APOBEC3H: variants seen among roughly 807,000 people sequenced by gnomAD.
The protein encoded by APOBEC3H is DNA dC->dU-editing enzyme APOBEC-3H.
A neutral mutation model predicts 21.2 loss-of-function variants in APOBEC3H; 8 were observed. The ratio of observed to expected loss-of-function variants is 0.38; its 90% CI spans 0.22 to 0.68. APOBEC3H has a LOEUF of 0.68. Ranked by LOEUF, APOBEC3H falls within the 30% of genes least tolerant of loss-of-function variation. The pLI is 0.52. For synonymous variants in APOBEC3H, 88 were observed against 91.0 expected, an observed-to-expected ratio of 0.97 and a Z score of 0.19; for missense variants, 229 against 228.1, an observed-to-expected ratio of 1.00 and a Z score of -0.03.
intron 1 of APOBEC3H, among the ~76,000 whole-genome samples, 167 bp from the exon 2 acceptor site, chr22:39,100,105 G>A (rs184469838): frequency 1.3e-5 from 2 of 152,294 alleles, no homozygotes; most frequent in Admixed American, 6.5e-5. Context: ...CTTGGAAGGC[G>A]GAGGTTGCAG....
intron 1 of APOBEC3H, 34 bp from the exon 2 acceptor site, chr22:39,100,238 C>T: frequency 6.3e-7 from 1 of 1,598,980 alleles, no homozygotes. Flanking sequence ...AGGACGCTCC[C>T]TTCATCTTTG....
chr22:39,100,603 C>A, intron 2 of APOBEC3H, 175 bp downstream of exon 2: 1 of 844,634 alleles, frequency 1.2e-6, no homozygotes, highest in Non-Finnish European at 1.8e-6. Context: ...CTGAGTGGCC[C>A]AGTTTCCCTA....
Position 39,101,310 on chromosome 22 carries a change from A to G in APOBEC3H, c.224A>G (p.Gln75Arg), listed in dbSNP as rs1379900429. ...GGACTGGACGAAACGCAGTGCTACC[A>G]AGTCACCTGTTACCTCACGTGGAGC... is the stretch of plus-strand genomic sequence containing the variant. ...SMGLDETQCY[Q>R]VTCYLTWSPC... is the part of the protein sequence containing the mutation. Residue 75 changes from glutamine to arginine, a missense_variant, in exon 3 of 5, where the codon CAA becomes CGA. By Grantham distance (43) the Gln-to-Arg change is conservative (BLOSUM62 1). Coordinates refer to ENST00000442487, the MANE Select transcript of APOBEC3H (RefSeq NM_181773.5). The G allele has an allele frequency of 2.5e-6, 4 of 1,613,020 alleles. No homozygotes were observed. The highest frequency in any genetic ancestry group is 3.4e-6 in the Non-Finnish European group (4 of 1,179,824).
rs77603434 is a variant in APOBEC3H at position 39,097,549 on chromosome 22, C to T, written c.-8+206C>T. ...GCTGCTTCTGAACGGGCCGCCTCCC[C>T]GGCCTGCACCAGCCCAAGACCCCTG... is the stretch of plus-strand genomic sequence containing the variant. On this transcript the variant is annotated intron_variant, in intron 1 of 4. Transcript: ENST00000442487. 3.6e-3 allele frequency among the ~76,000 whole-genome samples: 550 copies of T among 152,314 alleles called. 4 individuals carry two copies. The highest frequency in any genetic ancestry group is 0.013 in the African/African-American group (524 of 41,556).
In APOBEC3H at chr22:39,101,413, C is replaced by T; in HGVS notation, c.327C>T (p.Ser109=). Residue 109 remains serine (S), a synonymous_variant, in exon 3 of 5, where the codon TCC becomes TCT. Coordinates refer to ENST00000442487, the MANE Select transcript of APOBEC3H (RefSeq NM_181773.5). ...ATCTGAACCTGGGCATCTTCGCCTC[C>T]CGCCTGTACTACCACTGGTGCAAGC... ...HDHLNLGIFA[S]RLYYHWCKPQ... is the part of the protein sequence containing the mutation. 1 of 1,612,234 alleles carries T rather than the reference C, an allele frequency of 6.2e-7. No individual in the cohort carries two copies. The highest frequency in any genetic ancestry group is 8.5e-7 in the Non-Finnish European group (1 of 1,179,630).
intron 1 of APOBEC3H, among the ~76,000 whole-genome samples, chr22:39,099,126 A>G (rs971661286): frequency 3.9e-5 from 6 of 152,022 alleles, no homozygotes; most frequent in African/African-American, 1.2e-4. Context: ...ACCCGGGAGA[A>G]TCACTTGAAC....
At chr22:39,099,887 G>GT (rs1019996827) in intron 1 of APOBEC3H, among the ~76,000 whole-genome samples, 4 of 152,184 alleles carry the variant, frequency 2.6e-5, no homozygotes, top group Non-Finnish European at 4.4e-5. Context: ...AAAGGGTTGG[G>GT]TTTGGCTGGG....
chr22:39,101,364 T>A lies in APOBEC3H; in HGVS notation c.278T>A (p.Val93Asp). 6.2e-7 allele frequency: 1 copy of A among 1,612,746 alleles called. No homozygotes were observed. The highest frequency in any genetic ancestry group is 1.1e-5 in the South Asian group (1 of 90,978). The change falls in exon 3 of 5, where the codon GTT becomes GAT. Residue 93 changes from valine (V) to aspartate (D), a missense_variant. Transcript: ENST00000442487. Reference protein sequence around the residue: ...SPCSSCAWELVDFIKAHDHLN... With the variant: ...SPCSSCAWELDDFIKAHDHLN... ...TGCTCCTCCTGTGCCTGGGAGCTGG[T>A]TGACTTCATCAAGGCTCACGACCAT...
At chr22:39,099,675 C>T (rs965822601) in intron 1 of APOBEC3H, among the ~76,000 whole-genome samples, 3 of 152,168 alleles carry the variant, frequency 2.0e-5, no homozygotes, top group African/African-American at 7.2e-5. Flanking sequence ...CGGGGCATCC[C>T]CATGCAAAGA....
At chr22:39,101,170 C>CCCCCCCCCCCCCCCCCA in intron 2 of APOBEC3H, 67 bp from the exon 3 acceptor site, 1 of 1,200,024 alleles carries the variant, frequency 8.3e-7, no homozygotes, top group Non-Finnish European at 1.2e-6. Context: ...CGGCCCCCGC[C>CCCCCCCCCCCCCCCCCA]CCCAGTCACA....
intron 1 of APOBEC3H, among the ~76,000 whole-genome samples, chr22:39,099,735 G>A (rs1057170689): frequency 6.6e-6 from 1 of 152,212 alleles, no homozygotes; most frequent in African/African-American, 2.4e-5. Context: ...GAGGATGGGA[G>A]ATAGCAGACA....
At chr22:39,099,766 C>T (rs913783414) in intron 1 of APOBEC3H, among the ~76,000 whole-genome samples, 12 of 152,178 alleles carry the variant, frequency 7.9e-5, no homozygotes, top group African/African-American at 2.9e-4. Flanking sequence ...GAGCACTCCC[C>T]TCCTCCTGTC....
chr22:39,101,705 G>A (rs1929361627), intron 3 of APOBEC3H, among the ~76,000 whole-genome samples: 2 of 115,956 alleles, frequency 1.7e-5, no homozygotes, highest in South Asian at 7.6e-4. Flanking sequence ...CAGGGGGTGG[G>A]GGGGTGGCGG....
At chr22:39,098,301 A>G (rs1321922167) in intron 1 of APOBEC3H, among the ~76,000 whole-genome samples, 1 of 151,962 alleles carries the variant, frequency 6.6e-6, no homozygotes, top group Non-Finnish European at 1.5e-5. Flanking sequence ...CTGGAGCGCA[A>G]TCTCGGCTCA....
In APOBEC3H at chr22:39,103,790, G is replaced by A; in HGVS notation, c.*93G>A. The A allele has an allele frequency of 6.6e-7, 1 of 1,513,230 alleles. No homozygotes were observed. The highest frequency in any genetic ancestry group is 9.2e-7 in the Non-Finnish European group (1 of 1,088,408). 93.7% of individuals were successfully genotyped at this position (1,513,230 alleles called of 1,614,324 possible). On this transcript the variant is annotated 3_prime_UTR_variant, in exon 5 of 5. Coordinates refer to ENST00000442487, the MANE Select transcript of APOBEC3H (RefSeq NM_181773.5). ...GAAGCAACTCAAGATGACTTTCCCTGGGGCATGTCAGTTGCCTCATAGCCT... is the reference window on the plus strand; with the variant it reads ...GAAGCAACTCAAGATGACTTTCCCTAGGGCATGTCAGTTGCCTCATAGCCT...
chr22:39,100,870 A>G (rs1929274770), intron 2 of APOBEC3H, among the ~76,000 whole-genome samples: 1 of 147,354 alleles, frequency 6.8e-6, no homozygotes, highest in Non-Finnish European at 1.5e-5. Context: ...CTTTAGGATC[A>G]TCCCGGGTTG....
Position 39,103,722 on chromosome 22 carries a change from T to A in APOBEC3H, c.*25T>A. 6.2e-7 allele frequency: 1 copy of A among 1,613,968 alleles called. No homozygotes were observed. The highest frequency in any genetic ancestry group is 8.5e-7 in the Non-Finnish European group (1 of 1,179,812). The stretch of plus-strand genomic sequence containing the variant: ...AAGTGTGGATGTTTTAGAGAATGAC[T>A]TAAGAAGTTTGCAGCTTGGACCCGT... On this transcript the variant is annotated 3_prime_UTR_variant, in exon 5 of 5. Transcript: ENST00000442487.
chr22:39,102,094 C>A lies in APOBEC3H; in HGVS notation c.543+52C>A, dbSNP rs774162376. On this transcript the variant is annotated intron_variant, in intron 4 of 4. Coordinates refer to ENST00000442487, the MANE Select transcript of APOBEC3H (RefSeq NM_181773.5). ...CCGACCTCCTCACCGCCTGCCGCAGCCCCATACCCAGTCACACCTCTGCCC... is the reference window on the plus strand; with the variant it reads ...CCGACCTCCTCACCGCCTGCCGCAGACCCATACCCAGTCACACCTCTGCCC... The A allele has an allele frequency of 1.7e-5, 27 of 1,595,074 alleles. No homozygotes were observed. In the South Asian group the frequency reaches 2.8e-4, roughly 17 times the overall value.
At chr22:39,103,612 A>G in intron 4 of APOBEC3H, 77 bp from the exon 5 acceptor site, 1 of 1,487,524 alleles carries the variant, frequency 6.7e-7, no homozygotes, top group African/African-American at 1.4e-5. Context: ...TAATGATCTC[A>G]TCCTCACCTC....
Sources: allele counts gnomAD v4.1 joint callset (sites outside exome capture counted in the v4.1 genomes callset), GRCh38; gene constraint gnomAD v4.1.1; transcripts MANE v1.5; gene names NCBI Gene and HGNC (gene_info 2026-07-23, HGNC 2026-07-21).